Variants in ZNF385B observed in about 807,000 individuals in gnomAD.
ZNF385B encodes the protein zinc finger protein 533.
Under a neutral mutation model 39.2 loss-of-function variants are expected in ZNF385B, and 23 were observed. The observed-to-expected ratio is 0.59, with a 90% CI of 0.42 to 0.83. The LOEUF (loss-of-function observed/expected upper bound fraction) is 0.83, where lower values mean the gene tolerates loss of function less well. ZNF385B is among the 40% of genes least tolerant of loss of function. The pLI is 0.00. For missense variants in ZNF385B, 552 were observed against 598.9 expected (o/e 0.92, Z 0.82); for synonymous variants, 205 against 222.6 (o/e 0.92, Z 0.70).
At position 179,660,805 on chromosome 2, in the gene ZNF385B, T is replaced by C. The variant is rs577274260; in HGVS notation, c.298+108698A>G. Among the ~76,000 whole-genome samples, 10 of 152,264 alleles carry C rather than the reference T, an allele frequency of 6.6e-5. No homozygotes were observed. In the East Asian group the frequency reaches 1.7e-3, roughly 26 times the overall value. ...AATTTGTCTGGGCCCAAAAGAAGAA[T>C]ACATAGCATGCAAGCCAGCACTAAA... is the stretch of plus-strand genomic sequence containing the variant. On this transcript the variant is annotated intron_variant, in intron 3 of 9. Coordinates refer to ENST00000410066, the MANE Select transcript of ZNF385B (RefSeq NM_152520.6).
chr2:179,670,151 G>A (rs1349519871), intron 3 of ZNF385B, among the ~76,000 whole-genome samples: 1 of 151,988 alleles, frequency 6.6e-6, no homozygotes, highest in Non-Finnish European at 1.5e-5. Context: ...AATTAGCCGG[G>A]CGTGATGGCG....
intron 3 of ZNF385B, among the ~76,000 whole-genome samples, chr2:179,587,365 G>A (rs1280866809): frequency 6.6e-6 from 1 of 152,138 alleles, no homozygotes; most frequent in Non-Finnish European, 1.5e-5. Flanking sequence ...GACTTCCCCA[G>A]AATTATGTGA....
chr2:179,550,020 T>C (rs2060471746), intron 3 of ZNF385B, among the ~76,000 whole-genome samples: 1 of 149,694 alleles, frequency 6.7e-6, no homozygotes. Context: ...TGATGTATTA[T>C]ATAAATATAT....
intron 3 of ZNF385B, among the ~76,000 whole-genome samples, chr2:179,722,351 T>C (rs1399372075): frequency 6.6e-6 from 1 of 152,172 alleles, no homozygotes; most frequent in East Asian, 1.9e-4. Flanking sequence ...GAAGAATTTT[T>C]ATACATTCAC....
chr2:179,515,800 T>A (rs1274045563), intron 5 of ZNF385B, among the ~76,000 whole-genome samples: 1 of 152,140 alleles, frequency 6.6e-6, no homozygotes, highest in African/African-American at 2.4e-5. Flanking sequence ...ATAGTAAAAT[T>A]TTTTTCAGGT....
chr2:179,656,292 A>T (rs1024130802), intron 3 of ZNF385B, among the ~76,000 whole-genome samples: 8 of 152,140 alleles, frequency 5.3e-5, no homozygotes, highest in African/African-American at 1.9e-4. Flanking sequence ...ATTAATCTTT[A>T]TGACATTGGA....
At chr2:179,819,957 C>T (rs1185715819) in intron 1 of ZNF385B, among the ~76,000 whole-genome samples, 2 of 152,090 alleles carry the variant, frequency 1.3e-5, no homozygotes, top group Non-Finnish European at 2.9e-5. Flanking sequence ...AATCATAGCA[C>T]ATTTTAAAAA....
intron 3 of ZNF385B, among the ~76,000 whole-genome samples, chr2:179,728,811 A>T (rs992197446): frequency 7.9e-5 from 12 of 152,210 alleles, no homozygotes; most frequent in African/African-American, 2.6e-4. Context: ...AGAAAAAGCC[A>T]TTCCATTTTA....
Position 179,709,775 on chromosome 2 carries a change from A to G in ZNF385B, c.298+59728T>C, listed in dbSNP as rs745359988. Among the ~76,000 whole-genome samples the G allele has an allele frequency of 4.2e-4, 64 of 152,314 alleles. No homozygotes were observed. In the Middle Eastern group the frequency reaches 0.017, roughly 40 times the overall value. ...ATAGGCACAGATCACTTGGGGCCAG[A>G]GCCCAGTGCAACAGTGGCAGGGAGA... On this transcript the variant is annotated intron_variant, in intron 3 of 9. Coordinates refer to ENST00000410066, the MANE Select transcript of ZNF385B (RefSeq NM_152520.6).
At chr2:179,514,899 CTCCCAAGT>C (rs1346099737) in intron 5 of ZNF385B, among the ~76,000 whole-genome samples, 2 of 151,876 alleles carry the variant, frequency 1.3e-5, no homozygotes, top group African/African-American at 4.8e-5. Context: ...CTGCCTCAGC[CTCCCAAGT>C]AGCTGGGATT....
chr2:179,761,765 T>TC (rs987842519), intron 3 of ZNF385B, among the ~76,000 whole-genome samples: 4 of 147,584 alleles, frequency 2.7e-5, no homozygotes, highest in Admixed American at 6.8e-5. Context: ...TCTTTTCTTT[T>TC]TTTTTTTTTT....
chr2:179,699,726 T>C (rs1337765748), intron 3 of ZNF385B, among the ~76,000 whole-genome samples: 1 of 152,200 alleles, frequency 6.6e-6, no homozygotes, highest in Non-Finnish European at 1.5e-5. Context: ...GGTGGCTATA[T>C]ATTTATATGA....
intron 3 of ZNF385B, among the ~76,000 whole-genome samples, chr2:179,679,623 T>C (rs1697327964): frequency 6.6e-6 from 1 of 151,982 alleles, no homozygotes; most frequent in Non-Finnish European, 1.5e-5. Context: ...GTTGTTGTTG[T>C]TGTTGTTGTT....
intron 3 of ZNF385B, among the ~76,000 whole-genome samples, chr2:179,675,073 C>G (rs776958934): frequency 6.6e-6 from 1 of 152,176 alleles, no homozygotes; most frequent in East Asian, 1.9e-4. Flanking sequence ...TCCCAAAAAT[C>G]TAACTGCTAA....
At chr2:179,782,227 G>GA (rs959311646) in intron 1 of ZNF385B, among the ~76,000 whole-genome samples, 2 of 151,982 alleles carry the variant, frequency 1.3e-5, no homozygotes, top group South Asian at 2.1e-4. Flanking sequence ...GAACTAAAAA[G>GA]AAAAAACACA....
intron 3 of ZNF385B, among the ~76,000 whole-genome samples, chr2:179,756,293 T>C (rs1300475299): frequency 1.3e-5 from 2 of 152,216 alleles, no homozygotes; most frequent in African/African-American, 4.8e-5. Context: ...TCTTTAAGAA[T>C]GTCAAATATT....
intron 3 of ZNF385B, among the ~76,000 whole-genome samples, chr2:179,699,484 T>C (rs1369295801): frequency 6.6e-6 from 1 of 152,250 alleles, no homozygotes; most frequent in Non-Finnish European, 1.5e-5. Flanking sequence ...TTGTGGATGT[T>C]ACAGAGCAGT....
intron 3 of ZNF385B, among the ~76,000 whole-genome samples, chr2:179,676,360 T>C: frequency 6.6e-6 from 1 of 151,926 alleles, no homozygotes. Flanking sequence ...AGTGCTGGGA[T>C]TACAGGCGTG....
chr2:179,443,295 C>T lies in ZNF385B; in HGVS notation c.1416G>A (p.Gly472=). 1 of 1,612,664 alleles carries T rather than the reference C, an allele frequency of 6.2e-7. No individual in the cohort carries two copies. The highest frequency in any genetic ancestry group is 2.2e-5 in the East Asian group (1 of 44,884). The change falls in exon 10 of 10, where the codon GGG becomes GGA. Residue 472 remains glycine, a synonymous_variant. Transcript: ENST00000410066. Reference sequence around the variant, plus strand: ...TGGAGGCAGGAGTGGCGCGGATGGGCCCATGCCCAGGCCTCAGAAGAGCTG... The same window carrying T: ...TGGAGGCAGGAGTGGCGCGGATGGGTCCATGCCCAGGCCTCAGAAGAGCTG... ...IPPALLRPGH[G]PIRATPASIL...
Sources: gnomAD v4.1 joint callset for allele counts (sites outside exome capture counted in the v4.1 genomes callset) on GRCh38, gnomAD v4.1.1 for gene constraint, MANE v1.5 for transcripts, NCBI Gene and HGNC (gene_info 2026-07-23, HGNC 2026-07-21) for gene names.